The following PDE4D variants were observed in gnomAD, a reference collection of about 807,000 sequenced individuals.
PDE4D encodes the protein 3',5'-cyclic-AMP phosphodiesterase 4D.
A neutral mutation model predicts 87.4 loss-of-function variants in PDE4D; 24 were observed. That is an observed-to-expected ratio of 0.27 (90% CI 0.20 to 0.39). PDE4D has a LOEUF of 0.39. Among genes scored for constraint, PDE4D ranks in the 10% least tolerant of loss-of-function variants. The pLI, the probability that PDE4D is intolerant of heterozygous loss-of-function variation, is 1.00. For missense variants in PDE4D, 714 were observed against 1,041.0 expected (o/e 0.69, Z 4.32); for synonymous variants, 384 against 383.2 (o/e 1.00, Z -0.02).
chr5:59,826,109 G>C (rs1355321973), intron 1 of PDE4D, among the ~76,000 whole-genome samples: 3 of 152,132 alleles, frequency 2.0e-5, no homozygotes. Flanking sequence ...GTGTTTTTCT[G>C]TTACAAATTC....
intron 1 of PDE4D, among the ~76,000 whole-genome samples, chr5:59,662,864 G>C (rs1745478254): frequency 6.6e-6 from 1 of 152,110 alleles, no homozygotes; most frequent in Non-Finnish European, 1.5e-5. Flanking sequence ...TTTCAAAATA[G>C]AGTTTTGTAA....
intron 2 of PDE4D, among the ~76,000 whole-genome samples, chr5:60,037,475 CT>C (rs1767941823): frequency 6.6e-6 from 1 of 152,058 alleles, no homozygotes; most frequent in East Asian, 1.9e-4. Flanking sequence ...ATATAACTTA[CT>C]TTTTAGTCTG....
intron 1 of PDE4D, among the ~76,000 whole-genome samples, chr5:59,223,446 C>T (rs1753008858): frequency 6.6e-6 from 1 of 152,074 alleles, no homozygotes; most frequent in South Asian, 2.1e-4. Context: ...TGCTGTTAGC[C>T]AACACATTGG....
At chr5:60,190,856 A>G (rs1235385292) in intron 1 of PDE4D, among the ~76,000 whole-genome samples, 4 of 152,228 alleles carry the variant, frequency 2.6e-5, no homozygotes, top group Admixed American at 6.5e-5. Flanking sequence ...GCTTATGCTC[A>G]GTAGGAACTC....
chr5:59,994,936 C>T (rs1210530824), intron 2 of PDE4D, among the ~76,000 whole-genome samples: 9 of 152,044 alleles, frequency 5.9e-5, no homozygotes, highest in Non-Finnish European at 1.3e-4. Flanking sequence ...ACTGAAAATG[C>T]AGAGATGAAT....
At chr5:59,812,193 A>T (rs1274291432) in intron 1 of PDE4D, among the ~76,000 whole-genome samples, 1 of 152,102 alleles carries the variant, frequency 6.6e-6, no homozygotes, top group African/African-American at 2.4e-5. Flanking sequence ...CTAGTCTTGG[A>T]GGTGAATCTG....
intron 1 of PDE4D, among the ~76,000 whole-genome samples, chr5:59,303,654 C>G (rs2153561513): frequency 6.6e-6 from 1 of 152,148 alleles, no homozygotes; most frequent in East Asian, 1.9e-4. Context: ...TTATCCTTTT[C>G]CCCACTTTAT....
At chr5:59,129,333 G>T (rs948054924) in intron 5 of PDE4D, among the ~76,000 whole-genome samples, 1 of 152,038 alleles carries the variant, frequency 6.6e-6, no homozygotes, top group Non-Finnish European at 1.5e-5. Flanking sequence ...CAAACTCCTG[G>T]GCTCAAGTAA....
At chr5:60,236,450 A>G (rs926102179) in intron 1 of PDE4D, among the ~76,000 whole-genome samples, 5 of 151,970 alleles carry the variant, frequency 3.3e-5, no homozygotes, top group African/African-American at 1.2e-4. Flanking sequence ...TAGACATTTT[A>G]CTGAAGAAGA....
At chr5:59,727,927 A>G (rs1398362866) in intron 1 of PDE4D, among the ~76,000 whole-genome samples, 1 of 152,094 alleles carries the variant, frequency 6.6e-6, no homozygotes, top group Non-Finnish European at 1.5e-5. Context: ...TTGAAAGACT[A>G]CTATTGGCTT....
intron 1 of PDE4D, chr5:59,558,551 C>A (rs1819381612): frequency 6.6e-6 from 1 of 151,952 alleles, no homozygotes; most frequent in South Asian, 2.1e-4. Flanking sequence ...GTGTCAATGC[C>A]AACAATTTGA....
At chr5:59,515,614 G>C (rs74885343) in intron 1 of PDE4D, among the ~76,000 whole-genome samples, 3 of 152,118 alleles carry the variant, frequency 2.0e-5, no homozygotes, top group African/African-American at 7.2e-5. Flanking sequence ...ATATTTGTTC[G>C]ATATAAAAAT....
At chr5:59,647,082 T>C (rs1742589143) in intron 1 of PDE4D, among the ~76,000 whole-genome samples, 1 of 152,164 alleles carries the variant, frequency 6.6e-6, no homozygotes, top group Non-Finnish European at 1.5e-5. Context: ...AACAAGTCTG[T>C]CATACTTGTT....
At chr5:59,971,424 CAG>C (rs1327355378) in intron 3 of PDE4D, among the ~76,000 whole-genome samples, 1 of 151,546 alleles carries the variant, frequency 6.6e-6, no homozygotes, top group African/African-American at 2.4e-5. Context: ...GAGGAAGAGA[CAG>C]AGAGAGAAAT....
intron 1 of PDE4D, among the ~76,000 whole-genome samples, chr5:60,398,414 G>A (rs963081804): frequency 6.6e-6 from 1 of 152,154 alleles, no homozygotes; most frequent in African/African-American, 2.4e-5. Context: ...TCCAGATTAG[G>A]GTTGACATTG....
chr5:60,077,074 AG>A (rs1483846918), intron 2 of PDE4D, among the ~76,000 whole-genome samples: 1 of 152,124 alleles, frequency 6.6e-6, no homozygotes, highest in African/African-American at 2.4e-5. Context: ...TGCTCAAGGC[AG>A]GGGTGACTCT....
rs148531375 is a variant in PDE4D at position 59,581,255 on chromosome 5, T to TA, written c.455+311912dup. Among the ~76,000 whole-genome samples the TA allele has an allele frequency of 5.8e-3, 881 of 152,258 alleles. 12 individuals are homozygous for TA. Among genetic ancestry groups the TA allele is most frequent in the African/African-American group, 0.02 (851 of 41,556 alleles). On this transcript the variant is annotated intron_variant, in intron 1 of 14. Coordinates refer to ENST00000340635, the MANE Select transcript of PDE4D (RefSeq NM_001104631.2). ...AAAAGGAACATTCGACCTATGGCAA[T>TA]AAAAAACTGGTTGTTTAGTTTTTTT...
chr5:59,574,107 T>A (rs1410037704), intron 1 of PDE4D, among the ~76,000 whole-genome samples: 15 of 35,826 alleles, frequency 4.2e-4, no homozygotes, highest in African/African-American at 2.3e-3. Context: ...TATATATTTA[T>A]ATATATATAT....
At chr5:59,974,840 TTCAA>T (rs983581176) in intron 3 of PDE4D, among the ~76,000 whole-genome samples, 1 of 152,176 alleles carries the variant, frequency 6.6e-6, no homozygotes. Context: ...TTCCATATTA[TTCAA>T]TCAGTTTCTC....
Sources: allele counts gnomAD v4.1 joint callset (sites outside exome capture counted in the v4.1 genomes callset), GRCh38; gene constraint gnomAD v4.1.1; transcripts MANE v1.5; gene names NCBI Gene and HGNC (gene_info 2026-07-23, HGNC 2026-07-21).